PCDH15: variants seen among roughly 807,000 people sequenced by gnomAD.
PCDH15 encodes the protein protocadherin related 15, also known as protocadherin-15.
PCDH15 carries 129 observed loss-of-function variants against 178.5 expected under a neutral mutation model. That is an observed-to-expected ratio of 0.72 (90% CI 0.63 to 0.84). The LOEUF (loss-of-function observed/expected upper bound fraction) is 0.84, where lower values mean the gene tolerates loss of function less well. Among genes scored for constraint, PCDH15 ranks in the 40% least tolerant of loss-of-function variants. The pLI is 0.00. For missense variants in PCDH15, 2,230 were observed against 2,099.9 expected (o/e 1.06, Z -1.21); for synonymous variants, 800 against 732.0 (o/e 1.09, Z -1.50).
chr10:53,906,846 C>T (rs2610859), intron 25 of PCDH15: 8 of 150,612 alleles, frequency 5.3e-5, no homozygotes, highest in African/African-American at 1.7e-4. Context: ...ACCCACTAGG[C>T]TTAAGAATCA....
intron 3 of PCDH15, among the ~76,000 whole-genome samples, chr10:54,481,091 T>A (rs918857540): frequency 6.6e-6 from 1 of 151,914 alleles, no homozygotes; most frequent in African/African-American, 2.4e-5. Flanking sequence ...ACCTAATTTC[T>A]GAATTGAAAA....
chr10:54,729,166 A>T lies in PCDH15; in HGVS notation c.-28-64876T>A, dbSNP rs1319382431. Among the ~76,000 whole-genome samples the T allele has an allele frequency of 2.0e-5, 3 of 151,778 alleles. No homozygotes were observed. The East Asian group carries it at 5.8e-4, about 29-fold the overall frequency. On this transcript the variant is annotated intron_variant, in intron 1 of 37. Transcript: ENST00000644397. Reference sequence around the variant, plus strand: ...AAAGCATCACACTACCTGACTTTAAATTATACGACAAGGCAATAATAACCA... The same window carrying T: ...AAAGCATCACACTACCTGACTTTAATTTATACGACAAGGCAATAATAACCA...
chr10:54,811,135 G>GTATA lies in PCDH15; in HGVS notation c.-29+86311_-29+86314dup, dbSNP rs35181963. Among the ~76,000 whole-genome samples, 819 of 150,898 alleles carry GTATA rather than the reference G, an allele frequency of 5.4e-3. 3 individuals are homozygous for GTATA. Among genetic ancestry groups the GTATA allele is most frequent in the Middle Eastern group, 0.014 (4 of 286 alleles). On this transcript the variant is annotated intron_variant, in intron 3 of 5. Coordinates refer to the PCDH15 transcript ENST00000458638. ...ACATTGGGACTACTCAATATTATGT[G>GTATA]TATATATATATATGTAAATATATAT...
intron 10 of PCDH15, among the ~76,000 whole-genome samples, chr10:54,210,579 A>C (rs2134074052): frequency 6.6e-6 from 1 of 152,196 alleles, no homozygotes; most frequent in South Asian, 2.1e-4. Flanking sequence ...CTTCTTAGTT[A>C]AAAACTGAAA....
intron 3 of PCDH15, among the ~76,000 whole-genome samples, chr10:54,484,639 G>A (rs761561603): frequency 1.3e-5 from 2 of 151,492 alleles, no homozygotes; most frequent in South Asian, 2.1e-4. Context: ...AAATAAAATC[G>A]ATCCCCGCTC....
chr10:55,523,587 C>A (rs1246069926), intron 2 of PCDH15, among the ~76,000 whole-genome samples: 1 of 151,516 alleles, frequency 6.6e-6, no homozygotes, highest in Non-Finnish European at 1.5e-5. Flanking sequence ...GACATCAACA[C>A]CAATTATTTC....
chr10:54,369,651 G>A (rs937296756), intron 4 of PCDH15, among the ~76,000 whole-genome samples: 1 of 151,960 alleles, frequency 6.6e-6, no homozygotes, highest in African/African-American at 2.4e-5. Flanking sequence ...GGAGAAGAGA[G>A]ATTGTTTAAC....
At chr10:54,223,896 T>G (rs942120732) in intron 9 of PCDH15, among the ~76,000 whole-genome samples, 1 of 152,166 alleles carries the variant, frequency 6.6e-6, no homozygotes, top group African/African-American at 2.4e-5. Flanking sequence ...ATAAATTTCC[T>G]TAAACGCCAA....
At chr10:54,973,892 T>C (rs899757906) in intron 2 of PCDH15, among the ~76,000 whole-genome samples, 1 of 151,990 alleles carries the variant, frequency 6.6e-6, no homozygotes, top group African/African-American at 2.4e-5. Context: ...AACTCATATC[T>C]CTAAAAATCT....
intron 13 of PCDH15, among the ~76,000 whole-genome samples, chr10:54,169,523 C>T (rs1467132047): frequency 1.4e-5 from 2 of 146,040 alleles, no homozygotes; most frequent in East Asian, 3.9e-4. Flanking sequence ...TAGGCTGTGA[C>T]ACTTTAACTA....
chr10:53,811,492 T>C, intron 36 of PCDH15, 57 bp downstream of exon 36: 2 of 1,030,276 alleles, frequency 1.9e-6, no homozygotes, highest in Non-Finnish European at 2.7e-6. Flanking sequence ...ATTTAATAAT[T>C]TCCTATTAAT....
At chr10:54,214,844 G>A (rs893274213) in intron 9 of PCDH15, among the ~76,000 whole-genome samples, 1 of 152,168 alleles carries the variant, frequency 6.6e-6, no homozygotes, top group African/African-American at 2.4e-5. Flanking sequence ...ACCCACCTCA[G>A]CTTCCCAAAG....
At chr10:53,990,351 A>G (rs2091380479) in intron 21 of PCDH15, among the ~76,000 whole-genome samples, 1 of 151,994 alleles carries the variant, frequency 6.6e-6, no homozygotes, top group African/African-American at 2.4e-5. Flanking sequence ...CTGAAAAAGT[A>G]TAGTGAGAAT....
At chr10:55,341,797 ATATATATATTTTTTTTTTTTT>A (rs1198915474) in intron 2 of PCDH15, among the ~76,000 whole-genome samples, 96 of 11,266 alleles carry the variant, frequency 8.5e-3, no homozygotes, top group Middle Eastern at 0.028. Context: ...ATATATATAT[ATATATATATTTTTTTTTTTTT>A]TTTTTTTTTT....
intron 1 of PCDH15, among the ~76,000 whole-genome samples, chr10:54,686,041 A>ATTTTTTTTTTTTTTTTTTTTTTTT (rs66539612): frequency 7.1e-5 from 9 of 126,882 alleles, no homozygotes; most frequent in Non-Finnish European, 1.1e-4. Flanking sequence ...AAGACAGCCA[A>ATTTTTTTTTTTTTTTTTTTTTTTT]TTTTTTTTTT....
intron 2 of PCDH15, among the ~76,000 whole-genome samples, chr10:54,663,705 T>C (rs1213638086): frequency 7.3e-6 from 1 of 137,356 alleles, no homozygotes; most frequent in Non-Finnish European, 1.6e-5. Context: ...AAAAAAAAAA[T>C]AGTGGGGGAT....
At chr10:53,934,629 C>A (rs2085399160) in intron 25 of PCDH15, among the ~76,000 whole-genome samples, 1 of 151,564 alleles carries the variant, frequency 6.6e-6, no homozygotes, top group Non-Finnish European at 1.5e-5. Flanking sequence ...GGAGATGTAA[C>A]ATGTTAATGA....
intron 13 of PCDH15, among the ~76,000 whole-genome samples, chr10:54,156,758 C>G (rs978216459): frequency 2.6e-5 from 4 of 152,196 alleles, no homozygotes; most frequent in African/African-American, 9.6e-5. Context: ...TCCCTTCCAC[C>G]TACGAGCCTG....
chr10:55,572,789 T>A (rs1420458589), intron 2 of PCDH15, among the ~76,000 whole-genome samples: 2 of 152,038 alleles, frequency 1.3e-5, no homozygotes, highest in Non-Finnish European at 2.9e-5. Flanking sequence ...GGCATGCTGA[T>A]CATTAGGGAA....
Sources: allele counts gnomAD v4.1 joint callset (sites outside exome capture counted in the v4.1 genomes callset), GRCh38; gene constraint gnomAD v4.1.1; transcripts MANE v1.5; gene names NCBI Gene and HGNC (gene_info 2026-07-23, HGNC 2026-07-21).